Variants in JAZF1 observed in about 807,000 individuals in gnomAD.
The protein encoded by JAZF1 is juxtaposed with another zinc finger protein 1.
JAZF1 carries 8 observed loss-of-function variants against 26.4 expected under a neutral mutation model. That is an observed-to-expected ratio of 0.30 (90% confidence interval 0.18 to 0.55). The LOEUF is 0.55. Ranked by LOEUF, JAZF1 falls within the 20% of genes least tolerant of loss-of-function variation. The probability of loss-of-function intolerance (pLI) is 0.94; values close to 1 mark genes in which losing one functional copy is unlikely to be tolerated. For missense variants in JAZF1, 199 were observed against 322.0 expected (o/e 0.62, Z 2.92); for synonymous variants, 126 against 122.3 (o/e 1.03, Z -0.20).
At position 27,837,360 on chromosome 7, in the gene JAZF1, G is replaced by A. The variant is rs367705718; in HGVS notation, c.555+3338C>T. ...GGGCTCAGTGGTTGTGGCCTGGAAC[G>A]CCTCTGGGAAGGATACAAAGGAAAA... On this transcript the variant is annotated intron_variant, in intron 4 of 4. Coordinates refer to ENST00000283928, the MANE Select transcript of JAZF1 (RefSeq NM_175061.4). 2.7e-3 allele frequency among the ~76,000 whole-genome samples: 413 copies of A among 152,332 alleles called. 1 individual carries two copies. The highest frequency in any genetic ancestry group is 9.3e-3 in the African/African-American group (388 of 41,578).
At chr7:28,134,715 T>G (rs1036963007) in intron 1 of JAZF1, among the ~76,000 whole-genome samples, 1 of 152,140 alleles carries the variant, frequency 6.6e-6, no homozygotes, top group African/African-American at 2.4e-5. Flanking sequence ...AAGTGATATA[T>G]TTATTTTTTT....
intron 1 of JAZF1, among the ~76,000 whole-genome samples, chr7:28,106,510 C>A (rs900304754): frequency 6.6e-6 from 1 of 152,118 alleles, no homozygotes; most frequent in Non-Finnish European, 1.5e-5. Context: ...CATTATACAC[C>A]CAAGCCTTCT....
intron 1 of JAZF1, among the ~76,000 whole-genome samples, chr7:28,049,072 C>CTCTCTCTCT (rs1783547652): frequency 1.8e-5 from 2 of 113,564 alleles, no homozygotes; most frequent in African/African-American, 7.6e-5. Context: ...TCCCTCCCTT[C>CTCTCTCTCT]CTCTCTCTCT....
intron 1 of JAZF1, among the ~76,000 whole-genome samples, chr7:28,065,902 G>T (rs1783873409): frequency 6.6e-6 from 1 of 152,174 alleles, no homozygotes; most frequent in African/African-American, 2.4e-5. Context: ...CCAAGCAGGG[G>T]GTGGGATGTT....
intron 1 of JAZF1, among the ~76,000 whole-genome samples, chr7:28,079,519 T>C (rs1018171648): frequency 1.3e-5 from 2 of 152,178 alleles, no homozygotes; most frequent in African/African-American, 4.8e-5. Flanking sequence ...CTTAAGGGAA[T>C]TCATTATGAG....
intron 2 of JAZF1, among the ~76,000 whole-genome samples, chr7:27,975,176 C>T (rs775906782): frequency 2.6e-5 from 4 of 152,172 alleles, no homozygotes; most frequent in East Asian, 3.9e-4. Context: ...TGAGTCACCG[C>T]GTCGGGCCAG....
At chr7:28,177,235 T>C (rs1783562611) in intron 1 of JAZF1, among the ~76,000 whole-genome samples, 1 of 152,100 alleles carries the variant, frequency 6.6e-6, no homozygotes, top group Admixed American at 6.5e-5. Flanking sequence ...GGAACACCGG[T>C]ACAGCACTCT....
chr7:27,859,882 A>T (rs1435739446), intron 3 of JAZF1, among the ~76,000 whole-genome samples: 2 of 152,246 alleles, frequency 1.3e-5, no homozygotes. Flanking sequence ...AAAGAAAATG[A>T]ATACAAATTA....
intron 1 of JAZF1, among the ~76,000 whole-genome samples, chr7:28,023,013 G>A (rs760215537): frequency 3.9e-5 from 6 of 152,144 alleles, no homozygotes; most frequent in East Asian, 1.9e-4. Flanking sequence ...TCTAGAGGTC[G>A]GTGCTTCGTG....
chr7:28,019,668 T>C (rs1782970105), intron 1 of JAZF1, among the ~76,000 whole-genome samples: 1 of 152,164 alleles, frequency 6.6e-6, no homozygotes, highest in African/African-American at 2.4e-5. Flanking sequence ...AAATAATATA[T>C]TTAATAGGTC....
chr7:28,173,880 TAAAAA>T (rs58075065), intron 1 of JAZF1, among the ~76,000 whole-genome samples: 8 of 93,146 alleles, frequency 8.6e-5, no homozygotes, highest in African/African-American at 1.3e-4. Flanking sequence ...CAGCTAGCTT[TAAAAA>T]AAAAAAAAAA....
chr7:28,132,211 G>A (rs1034657503), intron 1 of JAZF1, among the ~76,000 whole-genome samples: 2 of 152,190 alleles, frequency 1.3e-5, no homozygotes, highest in Non-Finnish European at 2.9e-5. Flanking sequence ...GCAGTACATG[G>A]CGGTCTTGGC....
intron 3 of JAZF1, among the ~76,000 whole-genome samples, chr7:27,845,379 C>T (rs556111212): frequency 1.3e-5 from 2 of 152,230 alleles, no homozygotes; most frequent in South Asian, 4.2e-4. Flanking sequence ...ACCACTGAAT[C>T]CCACGCTCAT....
chr7:28,041,784 G>A (rs1430779377), intron 1 of JAZF1, among the ~76,000 whole-genome samples: 1 of 152,158 alleles, frequency 6.6e-6, no homozygotes, highest in Admixed American at 6.5e-5. Flanking sequence ...CTCATCTTGA[G>A]TATCTCAGAA....
intron 2 of JAZF1, among the ~76,000 whole-genome samples, chr7:27,917,043 A>T (rs1298179502): frequency 6.6e-6 from 1 of 152,238 alleles, no homozygotes; most frequent in Non-Finnish European, 1.5e-5. Context: ...GCTGGAGACC[A>T]GCCTGGGCAA....
chr7:27,926,687 G>C lies in JAZF1; in HGVS notation c.189-31271C>G, dbSNP rs1028172886. Reference sequence around the variant, plus strand: ...GATGTAGACAAAAAGAATACTACAAGACTCATTTTACAGACAAGGACACTG... The same window carrying C: ...GATGTAGACAAAAAGAATACTACAACACTCATTTTACAGACAAGGACACTG... On this transcript the variant is annotated intron_variant, in intron 2 of 4. Coordinates refer to ENST00000283928, the MANE Select transcript of JAZF1 (RefSeq NM_175061.4). Among the ~76,000 whole-genome samples the C allele has an allele frequency of 2.6e-5, 4 of 152,182 alleles. 1 individual carries two copies. The East Asian group carries it at 7.7e-4, about 29-fold the overall frequency.
chr7:27,838,978 GCCC>G (rs35293335), intron 4 of JAZF1, among the ~76,000 whole-genome samples: 1 of 152,148 alleles, frequency 6.6e-6, no homozygotes, highest in East Asian at 1.9e-4. Flanking sequence ...ACTCAGAAAA[GCCC>G]CCACCAACCC....
intron 2 of JAZF1, 79 bp downstream of exon 2, chr7:27,991,828 ACT>A (rs969873534): frequency 1.3e-6 from 1 of 783,928 alleles, no homozygotes; most frequent in African/African-American, 1.7e-5. Context: ...ACATTTTTCC[ACT>A]CTGTTAAAAA....
chr7:28,088,577 G>A (rs1157813252), intron 1 of JAZF1, among the ~76,000 whole-genome samples: 1 of 152,180 alleles, frequency 6.6e-6, no homozygotes, highest in Non-Finnish European at 1.5e-5. Context: ...AGAGATGTGT[G>A]TGATGAAGTG....
Sources: gnomAD v4.1 joint callset for allele counts (sites outside exome capture counted in the v4.1 genomes callset) on GRCh38, gnomAD v4.1.1 for gene constraint, MANE v1.5 for transcripts, NCBI Gene and HGNC (gene_info 2026-07-23, HGNC 2026-07-21) for gene names.